Variants in ADCY5 observed in about 807,000 individuals in gnomAD.
ADCY5 encodes adenylate cyclase 5.
Under a neutral mutation model 119.7 loss-of-function variants are expected in ADCY5, and 30 were observed. That is an observed-to-expected ratio of 0.25 (90% CI 0.19 to 0.34). The LOEUF (loss-of-function observed/expected upper bound fraction) is 0.34, where lower values mean the gene tolerates loss of function less well. Among genes scored for constraint, ADCY5 ranks in the 10% least tolerant of loss-of-function variants. ADCY5 has a pLI of 1.00. For synonymous variants in ADCY5, 753 were observed against 762.2 expected (o/e 0.99, Z 0.20); for missense variants, 1,324 against 1,775.2 (o/e 0.75, Z 4.57).
chr3:123,425,846 G>A (rs376011315), intron 1 of ADCY5, among the ~76,000 whole-genome samples: 4 of 152,338 alleles, frequency 2.6e-5, no homozygotes, highest in East Asian at 3.9e-4. Flanking sequence ...TAAGGACAGG[G>A]CCAGGGGAGG....
At chr3:123,315,111 C>A (rs1940841858) in intron 11 of ADCY5, among the ~76,000 whole-genome samples, 1 of 152,192 alleles carries the variant, frequency 6.6e-6, no homozygotes, top group African/African-American at 2.4e-5. Context: ...GGCCCAGGGA[C>A]AACACACCCC....
intron 1 of ADCY5, among the ~76,000 whole-genome samples, chr3:123,361,835 C>G (rs781536161): frequency 6.6e-6 from 1 of 152,106 alleles, no homozygotes; most frequent in Non-Finnish European, 1.5e-5. Flanking sequence ...TAATTTTATA[C>G]AACATTTTAA....
chr3:123,284,888 T>TGACA, intron 20 of ADCY5, 152 bp from the exon 21 acceptor site: 1 of 1,037,576 alleles, frequency 9.6e-7, no homozygotes, highest in East Asian at 2.5e-5. Flanking sequence ...TCTCAGGGAC[T>TGACA]GACAGACAGC....
intron 6 of ADCY5, 41 bp from the exon 7 acceptor site, chr3:123,327,800 TC>T: frequency 6.2e-7 from 1 of 1,608,032 alleles, no homozygotes; most frequent in Non-Finnish European, 8.5e-7. Context: ...GGCAGAAAAC[TC>T]AAAGTCATAA....
rs368636969 is a variant in ADCY5, at chr3:123,328,679, C to G, written c.1770G>C (p.Thr590=). 1 of 1,614,180 alleles carries G rather than the reference C, an allele frequency of 6.2e-7. No individual in the cohort carries two copies. Among genetic ancestry groups the G allele is most frequent in the East Asian group, 2.2e-5 (1 of 44,886 alleles). The change falls in exon 6 of 21, where the codon ACG becomes ACC. Residue 590 remains threonine, a synonymous_variant. Transcript: ENST00000462833. ...WQFDVWSNDV[T]LANHMEAGGK... ...CGCCAGCCTCCATGTGGTTGGCTAG[C>G]GTGACATCGTTAGACCAGACGTCGA...
In ADCY5 at chr3:123,318,010, G is replaced by A. The variant is rs761206746; in HGVS notation, c.2354+10C>T. 4 of 1,610,756 alleles carry A rather than the reference G, an allele frequency of 2.5e-6. No individual in the cohort carries two copies. Among genetic ancestry groups the A allele is most frequent in the Non-Finnish European group, 3.4e-6 (4 of 1,177,450 alleles). On this transcript the variant is annotated intron_variant, in intron 11 of 20. Coordinates refer to ENST00000462833, the MANE Select transcript of ADCY5 (RefSeq NM_183357.3). ...AGAGGAAGGAGCCCAAGAGGGACGG[G>A]GATACTCACTGGGGCACGATGGTGA...
chr3:123,363,302 A>G (rs1447280360), intron 1 of ADCY5, among the ~76,000 whole-genome samples: 1 of 152,160 alleles, frequency 6.6e-6, no homozygotes, highest in African/African-American at 2.4e-5. Flanking sequence ...TAAAAGCAGT[A>G]TTTTACCTAT....
intron 1 of ADCY5, among the ~76,000 whole-genome samples, chr3:123,409,646 A>T (rs1212138883): frequency 6.6e-6 from 1 of 152,154 alleles, no homozygotes; most frequent in Non-Finnish European, 1.5e-5. Flanking sequence ...TAGACATGCA[A>T]ATTATTGGGC....
At chr3:123,308,571 T>G (rs1204206649) in intron 12 of ADCY5, among the ~76,000 whole-genome samples, 1 of 151,948 alleles carries the variant, frequency 6.6e-6, no homozygotes, top group Non-Finnish European at 1.5e-5. Context: ...GGCTCATGCC[T>G]GTAATCCCAG....
intron 1 of ADCY5, among the ~76,000 whole-genome samples, chr3:123,360,015 G>A (rs1466801402): frequency 8.6e-5 from 13 of 151,192 alleles, no homozygotes; most frequent in Admixed American, 4.6e-4. Flanking sequence ...AAGGCATGTC[G>A]GCATGGCTCC....
chr3:123,326,995 A>G (rs970883104), intron 7 of ADCY5, among the ~76,000 whole-genome samples: 1 of 152,258 alleles, frequency 6.6e-6, no homozygotes, highest in Non-Finnish European at 1.5e-5. Context: ...AGAAAGACTC[A>G]TAAGTAAAAG....
chr3:123,349,543 C>T (rs1316810701), intron 2 of ADCY5, among the ~76,000 whole-genome samples: 1 of 152,182 alleles, frequency 6.6e-6, no homozygotes, highest in African/African-American at 2.4e-5. Flanking sequence ...TACCTGTGCT[C>T]AACACCTCCA....
At chr3:123,414,700 G>A (rs1023717070) in intron 1 of ADCY5, among the ~76,000 whole-genome samples, 2 of 152,182 alleles carry the variant, frequency 1.3e-5, no homozygotes, top group Admixed American at 6.5e-5. Context: ...GGGATTACAG[G>A]CATGCACCAC....
At chr3:123,425,511 G>A (rs1576689001) in intron 1 of ADCY5, among the ~76,000 whole-genome samples, 1 of 152,326 alleles carries the variant, frequency 6.6e-6, no homozygotes, top group East Asian at 1.9e-4. Context: ...GTTACAGAAG[G>A]AAGTACATCT....
chr3:123,382,271 G>A (rs1944057905), intron 1 of ADCY5, among the ~76,000 whole-genome samples: 1 of 152,232 alleles, frequency 6.6e-6, no homozygotes, highest in South Asian at 2.1e-4. Flanking sequence ...AAAAAAGTAT[G>A]AAGTGTTGGT....
At chr3:123,395,470 G>T (rs1400226773) in intron 1 of ADCY5, among the ~76,000 whole-genome samples, 1 of 152,118 alleles carries the variant, frequency 6.6e-6, no homozygotes, top group Non-Finnish European at 1.5e-5. Context: ...CCTGTACACC[G>T]CCTCCTTGGC....
At chr3:123,353,899 TG>T (rs1182189478) in intron 1 of ADCY5, among the ~76,000 whole-genome samples, 5 of 152,164 alleles carry the variant, frequency 3.3e-5, no homozygotes, top group Admixed American at 3.3e-4. Context: ...ATGGTGTGTG[TG>T]CCCCGGTCCA....
At chr3:123,296,910 A>T in intron 16 of ADCY5, 1 of 1,344,720 alleles carries the variant, frequency 7.4e-7, no homozygotes, top group Non-Finnish European at 1.0e-6. Flanking sequence ...GGCTCCAGTG[A>T]CCCCCCGCCC....
At chr3:123,375,937 C>T (rs1452916540) in intron 1 of ADCY5, among the ~76,000 whole-genome samples, 2 of 139,710 alleles carry the variant, frequency 1.4e-5, no homozygotes, top group African/African-American at 2.7e-5. Context: ...TGGGACTCCA[C>T]GCGAGCCTTT....
Sources: gnomAD v4.1 joint callset for allele counts (sites outside exome capture counted in the v4.1 genomes callset) on GRCh38, gnomAD v4.1.1 for gene constraint, MANE v1.5 for transcripts, NCBI Gene and HGNC (gene_info 2026-07-23, HGNC 2026-07-21) for gene names.